Variants in GTF2H1 observed in about 807,000 individuals in gnomAD.
GTF2H1 encodes general transcription factor IIH subunit 1.
A neutral mutation model predicts 71.2 loss-of-function variants in GTF2H1; 16 were observed. The ratio of observed to expected loss-of-function variants is 0.22; its 90% CI spans 0.15 to 0.34. The LOEUF is 0.34. GTF2H1 is among the 10% of genes least tolerant of loss of function. The probability of loss-of-function intolerance (pLI) is 1.00; values close to 1 mark genes in which losing one functional copy is unlikely to be tolerated. For synonymous variants in GTF2H1, 215 were observed against 219.0 expected (o/e 0.98, Z 0.16); for missense variants, 498 against 648.2 (o/e 0.77, Z 2.52).
rs745901095 is a variant in GTF2H1, at chr11:18,347,654, G to A, written c.904G>A (p.Ala302Thr). Residue 302 changes from alanine to threonine, a missense_variant, in exon 8 of 15, where the codon GCC becomes ACC. Ala to Thr is a moderately conservative substitution (Grantham distance 58). Transcript: ENST00000265963. Reference protein sequence around the residue: ...SKSIKENSNAAIIKRFNHHSA... With the variant: ...SKSIKENSNATIIKRFNHHSA... ...ATCCATAAAAGAGAATAGTAATGCT[G>A]CCATCATCAAGAGATTTAACCATCA... 24 of 1,611,688 alleles carry A rather than the reference G, an allele frequency of 1.5e-5. No individual in the cohort carries two copies. Among genetic ancestry groups the A allele is most frequent in the African/African-American group, 2.7e-5 (2 of 74,892 alleles).
At chr11:18,346,148 G>A (rs1337240152) in intron 7 of GTF2H1, among the ~76,000 whole-genome samples, 2 of 152,084 alleles carry the variant, frequency 1.3e-5, no homozygotes, top group African/African-American at 4.8e-5. Context: ...CTGGACCACC[G>A]TTATTAGTGT....
chr11:18,352,810 C>T (rs1480196184), intron 11 of GTF2H1, among the ~76,000 whole-genome samples: 7 of 152,332 alleles, frequency 4.6e-5, no homozygotes, highest in Admixed American at 2.6e-4. Context: ...TGTTTCTCTT[C>T]GTACTTCAGT....
In GTF2H1 at chr11:18,339,591, T is replaced by C; in HGVS notation, c.541T>C (p.Cys181Arg). Residue 181 changes from cysteine (C) to arginine (R), a missense_variant, in exon 5 of 15, where the codon TGT (cysteine) becomes CGT (arginine). This residue lies in a region of GTF2H1 where 216 missense variants were observed against 306.2 expected (regional missense o/e 0.71). Transcript: ENST00000265963. ...TGATGTCCGGCCCCAAACTGATGGC[T>C]GTAACGGTCTAAGATATAATTTAAC... ...LADVRPQTDG[C>R]NGLRYNLTSD... 1 of 1,613,648 alleles carries C rather than the reference T, an allele frequency of 6.2e-7. No individual in the cohort carries two copies. Among genetic ancestry groups the C allele is most frequent in the African/African-American group, 1.3e-5 (1 of 75,046 alleles).
In GTF2H1 at chr11:18,345,796, G is replaced by GTCTTTTTTTTTT. The variant is rs75644482; in HGVS notation, c.838-1791_838-1790insCTTTTTTTTTTT. ...GAGCCACCACACCCAGCACATATGA[G>GTCTTTTTTTTTT]TTTTTTTTTTTTTGAGACGGAGTCT... On this transcript the variant is annotated intron_variant, in intron 7 of 14. Transcript: ENST00000265963. Among the ~76,000 whole-genome samples, 389 of 125,170 alleles carry GTCTTTTTTTTTT rather than the reference G, an allele frequency of 3.1e-3. 37 individuals are homozygous for GTCTTTTTTTTTT. The highest frequency in any genetic ancestry group is 8.2e-3 in the African/African-American group (275 of 33,368). The allele number at this position is 125,170 out of a possible 152,430, so 82.1% of individuals were successfully genotyped here.
At chr11:18,359,244 T>G (rs1244762963) in intron 13 of GTF2H1, among the ~76,000 whole-genome samples, 1 of 152,104 alleles carries the variant, frequency 6.6e-6, no homozygotes, top group Non-Finnish European at 1.5e-5. Context: ...ACAGCTACAG[T>G]AAAAGAACAT....
At chr11:18,332,934 T>C in intron 1 of GTF2H1, 126 bp from the exon 2 acceptor site, 1 of 571,296 alleles carries the variant, frequency 1.8e-6, no homozygotes, top group Non-Finnish European at 2.9e-6. Flanking sequence ...AAAAGAGACT[T>C]TCTTCTTCCC....
chr11:18,352,549 T>G, intron 11 of GTF2H1, 103 bp downstream of exon 11: 3 of 584,060 alleles, frequency 5.1e-6, no homozygotes, highest in Non-Finnish European at 9.3e-6. Context: ...TAATTGGGCT[T>G]AAAGACATAG....
intron 9 of GTF2H1, chr11:18,348,139 TTTTGTTTGTTTG>T (rs4150640): frequency 6.9e-6 from 4 of 582,128 alleles, no homozygotes; most frequent in African/African-American, 1.9e-5. Flanking sequence ...TTTTATTGTT[TTTTGTTTGTTTG>T]TTTGTTTGTT....
At chr11:18,353,765 GA>G (rs995853441) in intron 11 of GTF2H1, among the ~76,000 whole-genome samples, 1 of 152,102 alleles carries the variant, frequency 6.6e-6, no homozygotes, top group African/African-American at 2.4e-5. Context: ...GAAAGTGACA[GA>G]AAAATATGTT....
rs772084906 is a variant in GTF2H1 at position 18,341,294 on chromosome 11, A to G, written c.641A>G (p.Asn214Ser). Residue 214 changes from asparagine (N) to serine (S), a missense_variant, in exon 6 of 15, where the codon AAC becomes AGC. This residue lies in a region of GTF2H1 where 216 missense variants were observed against 306.2 expected (regional missense o/e 0.71). Coordinates refer to ENST00000265963, the MANE Select transcript of GTF2H1 (RefSeq NM_005316.4). ...KMKYAENVPH[N>S]MTEKEFWTRF... ...AAATATGCAGAAAATGTTCCCCACA[A>G]CATGACAGAGAAGGAATTCTGGACA... 1.9e-6 allele frequency: 3 copies of G among 1,613,762 alleles called. No homozygotes were observed. In the South Asian group the frequency reaches 3.3e-5, roughly 18 times the overall value.
At chr11:18,326,610 A>G (rs1285750690) in intron 1 of GTF2H1, among the ~76,000 whole-genome samples, 1 of 151,646 alleles carries the variant, frequency 6.6e-6, no homozygotes, top group Non-Finnish European at 1.5e-5. Context: ...GTCTTCATGC[A>G]TTTTTTTACC....
rs4150598 is a variant in GTF2H1, at chr11:18,340,882, T to C, written c.608-379T>C. Among the ~76,000 whole-genome samples the C allele has an allele frequency of 5.2e-4, 79 of 152,284 alleles. 1 individual carries two copies. Among genetic ancestry groups the C allele is most frequent in the African/African-American group, 1.9e-3 (77 of 41,568 alleles). On this transcript the variant is annotated intron_variant, in intron 5 of 14. Coordinates refer to ENST00000265963, the MANE Select transcript of GTF2H1 (RefSeq NM_005316.4). ...TGTGTAAGCCGCTGGAGTGCTGAGC[T>C]GACAGTCCAGTGGATATTGAGATCA...
chr11:18,355,057 G>A lies in GTF2H1; in HGVS notation c.1260+2611G>A, dbSNP rs191758159. 3.1e-3 allele frequency among the ~76,000 whole-genome samples: 473 copies of A among 151,814 alleles called. 13 individuals are homozygous for A. The highest frequency in any genetic ancestry group is 0.028 in the Admixed American group (432 of 15,238). ...ACTCCTGAGCTCAAGCAATCCACTC[G>A]CCTCGGCCTCCCAAAGTGCTGAGAT... On this transcript the variant is annotated intron_variant, in intron 11 of 14. Coordinates refer to ENST00000265963, the MANE Select transcript of GTF2H1 (RefSeq NM_005316.4).
chr11:18,360,945 A>G (rs1035575398), intron 14 of GTF2H1, among the ~76,000 whole-genome samples: 1 of 151,648 alleles, frequency 6.6e-6, no homozygotes, highest in African/African-American at 2.4e-5. Flanking sequence ...AGCTGAGATT[A>G]CAAGCGCATG....
chr11:18,353,904 CATT>C (rs1309404257), intron 11 of GTF2H1, among the ~76,000 whole-genome samples: 2 of 152,164 alleles, frequency 1.3e-5, no homozygotes, highest in African/African-American at 4.8e-5. Context: ...AGTAAGTTAA[CATT>C]GATGATGTGT....
Position 18,333,222 on chromosome 11 carries a change from A to G in GTF2H1, c.148A>G (p.Ile50Val), listed in dbSNP as rs1273416586. The change falls in exon 2 of 15, where the codon ATT becomes GTT. Residue 50 changes from isoleucine to valine, a missense_variant. Around this residue, in one of 3 missense-constraint regions of GTF2H1, gnomAD observed 216 missense variants for 306.2 expected, o/e 0.71. Transcript: ENST00000265963. ...TACAATCAGCCATATGTATGCAGAT[A>G]TTAAATGTAAGTCAGCTATACTAAG... Reference protein sequence around the residue: ...RFTISHMYADIKCQKISPEGK... With the variant: ...RFTISHMYADVKCQKISPEGK... 1.2e-6 allele frequency: 2 copies of G among 1,609,174 alleles called. No individual in the cohort carries two copies. Among genetic ancestry groups the G allele is most frequent in the Non-Finnish European group, 1.7e-6 (2 of 1,177,334 alleles).
intron 7 of GTF2H1, among the ~76,000 whole-genome samples, chr11:18,345,423 G>A (rs1452922386): frequency 6.6e-6 from 1 of 151,658 alleles, no homozygotes; most frequent in Non-Finnish European, 1.5e-5. Flanking sequence ...TCTGTTTATT[G>A]GCCTGTTCCT....
chr11:18,343,906 T>A lies in GTF2H1; in HGVS notation c.837+2299T>A, dbSNP rs4150617. On this transcript the variant is annotated intron_variant, in intron 7 of 14. Coordinates refer to ENST00000265963, the MANE Select transcript of GTF2H1 (RefSeq NM_005316.4). ...TGGAGTGCAGTGGCACAATCATGGCTCACTGCAATCTTGACCTCTTGGGCT... is the reference window on the plus strand; with the variant it reads ...TGGAGTGCAGTGGCACAATCATGGCACACTGCAATCTTGACCTCTTGGGCT... Among the ~76,000 whole-genome samples, 1,304 of 152,308 alleles carry A rather than the reference T, an allele frequency of 8.6e-3. 23 individuals carry two copies. The highest frequency in any genetic ancestry group is 0.029 in the African/African-American group (1,185 of 41,566).
intron 1 of GTF2H1, among the ~76,000 whole-genome samples, chr11:18,331,217 C>T (rs554623058): frequency 1.8e-4 from 27 of 152,154 alleles, no homozygotes; most frequent in Admixed American, 6.5e-4. Flanking sequence ...TCCTTTTGCC[C>T]GGCTAATTTT....
Sources: gnomAD v4.1 joint callset for allele counts (sites outside exome capture counted in the v4.1 genomes callset) on GRCh38, gnomAD v4.1.1 for gene constraint, gnomAD v4.1.1 regional missense constraint, MANE v1.5 for transcripts, NCBI Gene and HGNC (gene_info 2026-07-23, HGNC 2026-07-21) for gene names.